The following A1CF variants were observed in gnomAD, a reference collection of about 807,000 sequenced individuals.
A1CF encodes APOBEC1 complementation factor.
A1CF carries 48 observed loss-of-function variants against 68.9 expected under a neutral mutation model. That is an observed-to-expected ratio of 0.70 (90% confidence interval 0.55 to 0.89). The LOEUF (loss-of-function observed/expected upper bound fraction) is 0.89. Among genes scored for constraint, A1CF ranks in the 40% least tolerant of loss-of-function variants. The pLI is 0.00. For synonymous variants in A1CF, 272 were observed against 260.4 expected (o/e 1.04, Z -0.43); for missense variants, 653 against 718.9 (o/e 0.91, Z 1.05).
At chr10:50,825,457 G>A (rs1389163149) in intron 7 of A1CF, among the ~76,000 whole-genome samples, 2 of 152,100 alleles carry the variant, frequency 1.3e-5, no homozygotes, top group Non-Finnish European at 2.9e-5. Context: ...ATGTTAGAAG[G>A]CAAAAGACTT....
intron 3 of A1CF, among the ~76,000 whole-genome samples, chr10:50,846,052 T>C (rs1036968445): frequency 1.3e-5 from 2 of 152,172 alleles, no homozygotes; most frequent in Non-Finnish European, 2.9e-5. Flanking sequence ...TTTCCGATCA[T>C]TTTATTACAT....
chr10:50,877,307 A>G (rs1264970978), intron 1 of A1CF, among the ~76,000 whole-genome samples: 2 of 152,280 alleles, frequency 1.3e-5, no homozygotes, highest in South Asian at 2.1e-4. Flanking sequence ...TGTGTGGTCT[A>G]TTTCATTCAT....
At position 50,810,068 on chromosome 10, in the gene A1CF, G is replaced by A. The variant is rs988664504; in HGVS notation, c.1461-26C>T. 5.0e-6 allele frequency: 8 copies of A among 1,612,916 alleles called. No homozygotes were observed. In the African/African-American group the frequency reaches 6.7e-5, roughly 13 times the overall value. On this transcript the variant is annotated intron_variant, in intron 11 of 12. Transcript: ENST00000373997. The stretch of plus-strand genomic sequence containing the variant: ...CTGGAAAGCAAGTCAGTCAGGGTAG[G>A]CATTTTTAAACTGGTACAACTGAGT...
intron 6 of A1CF, among the ~76,000 whole-genome samples, chr10:50,835,538 G>A (rs1235408608): frequency 6.6e-6 from 1 of 152,126 alleles, no homozygotes; most frequent in Non-Finnish European, 1.5e-5. Flanking sequence ...TTCACCAAAT[G>A]GGATCTATCC....
chr10:50,815,973 G>A (rs770579106), intron 9 of A1CF, 33 bp downstream of exon 9: 1 of 1,603,302 alleles, frequency 6.2e-7, no homozygotes, highest in South Asian at 1.1e-5. Flanking sequence ...GAAATCTTGG[G>A]ATTACTCTAA....
chr10:50,880,164 T>A (rs1213880703), intron 1 of A1CF, among the ~76,000 whole-genome samples: 1 of 152,104 alleles, frequency 6.6e-6, no homozygotes, highest in Non-Finnish European at 1.5e-5. Context: ...ATCTCAAAAG[T>A]TTTCTTCAGT....
chr10:50,847,970 A>T (rs1840075168), intron 3 of A1CF, among the ~76,000 whole-genome samples: 1 of 152,214 alleles, frequency 6.6e-6, no homozygotes, highest in Non-Finnish European at 1.5e-5. Context: ...AAACTCTTTT[A>T]TACTTAGCCA....
chr10:50,835,448 A>G (rs1161229703), intron 6 of A1CF, among the ~76,000 whole-genome samples: 1 of 152,148 alleles, frequency 6.6e-6, no homozygotes, highest in Non-Finnish European at 1.5e-5. Flanking sequence ...ATGTTTTAGA[A>G]TGAGCCAAGA....
At chr10:50,829,652 G>A (rs1463984461) in intron 6 of A1CF, among the ~76,000 whole-genome samples, 1 of 152,122 alleles carries the variant, frequency 6.6e-6, no homozygotes, top group Non-Finnish European at 1.5e-5. Context: ...TGCATTTCAG[G>A]GGATAGTTTT....
intron 10 of A1CF, 71 bp from the exon 11 acceptor site, chr10:50,811,247 T>C: frequency 6.8e-7 from 1 of 1,474,536 alleles, no homozygotes; most frequent in Admixed American, 2.0e-5. Flanking sequence ...TTTCAGGTTT[T>C]TAAACTCTAA....
chr10:50,865,286 G>A (rs761227929), intron 1 of A1CF, among the ~76,000 whole-genome samples: 2 of 147,876 alleles, frequency 1.4e-5, no homozygotes, highest in Non-Finnish European at 3.0e-5. Flanking sequence ...TACTGCTGCT[G>A]CTGCTGCTAT....
At chr10:50,836,494 CA>C (rs2132430258) in intron 5 of A1CF, among the ~76,000 whole-genome samples, 182 bp from the exon 6 acceptor site, 1 of 152,260 alleles carries the variant, frequency 6.6e-6, no homozygotes, top group Admixed American at 6.5e-5. Context: ...ATGTGCTCTA[CA>C]TTTTCAAACA....
intron 4 of A1CF, among the ~76,000 whole-genome samples, chr10:50,843,482 T>C (rs10821876): frequency 0.47 from 71,267 of 152,060 alleles, 17,148 homozygotes; most frequent in Middle Eastern, 0.56. Flanking sequence ...GTATTCTTCC[T>C]TTAACTGAAA....
intron 3 of A1CF, among the ~76,000 whole-genome samples, chr10:50,849,097 G>C (rs907467377): frequency 6.6e-6 from 1 of 151,966 alleles, no homozygotes; most frequent in African/African-American, 2.4e-5. Context: ...GATAGTTTAA[G>C]GAAAGTCTAT....
intron 1 of A1CF, among the ~76,000 whole-genome samples, chr10:50,885,120 A>T (rs1425341967): frequency 6.6e-6 from 1 of 152,206 alleles, no homozygotes; most frequent in African/African-American, 2.4e-5. Flanking sequence ...GTAGCTCTGG[A>T]GATAATTGAA....
intron 3 of A1CF, among the ~76,000 whole-genome samples, chr10:50,848,276 A>T (rs1458354832): frequency 6.6e-6 from 1 of 152,232 alleles, no homozygotes; most frequent in African/African-American, 2.4e-5. Context: ...ATAGATGAGG[A>T]AACTAAGTCC....
chr10:50,809,860 G>T (rs1457670616), intron 12 of A1CF, 34 bp downstream of exon 12: 7 of 1,612,734 alleles, frequency 4.3e-6, no homozygotes, highest in Admixed American at 1.7e-5. Context: ...AATACTCTCT[G>T]CAGGGCGCCA....
chr10:50,884,720 T>C (rs1841928359), intron 1 of A1CF, among the ~76,000 whole-genome samples: 1 of 152,242 alleles, frequency 6.6e-6, no homozygotes. Context: ...TAAAATTGTT[T>C]AGTTTGGAAT....
intron 9 of A1CF, 32 bp from the exon 10 acceptor site, chr10:50,814,070 C>A (rs375346339): frequency 3.7e-6 from 6 of 1,610,972 alleles, no homozygotes; most frequent in Non-Finnish European, 5.1e-6. Flanking sequence ...TTTCTAGGAA[C>A]GTAAGAAGGC....
Sources: gnomAD v4.1 joint callset for allele counts (sites outside exome capture counted in the v4.1 genomes callset) on GRCh38, gnomAD v4.1.1 for gene constraint, MANE v1.5 for transcripts, NCBI Gene and HGNC (gene_info 2026-07-23, HGNC 2026-07-21) for gene names.